Variants in ERCC3 observed in about 807,000 individuals in gnomAD.
ERCC3 encodes the protein general transcription and DNA repair factor IIH helicase/translocase subunit XPB.
In ERCC3, 66 loss-of-function variants were observed where a neutral mutation model predicts 94.2. The ratio of observed to expected loss-of-function variants is 0.70; its 90% CI spans 0.57 to 0.86. ERCC3 has a LOEUF of 0.86. Among genes scored for constraint, ERCC3 ranks in the 40% least tolerant of loss-of-function variants. ERCC3 has a pLI of 0.00. For synonymous variants in ERCC3, 349 were observed against 369.1 expected (o/e 0.95, Z 0.63); for missense variants, 829 against 987.1 (o/e 0.84, Z 2.15).
chr2:127,266,878 A>G (rs1005626000), intron 12 of ERCC3, among the ~76,000 whole-genome samples: 5 of 151,466 alleles, frequency 3.3e-5, no homozygotes, highest in Non-Finnish European at 7.4e-5. Flanking sequence ...CGCCACACTC[A>G]GCTAATTTTT....
chr2:127,260,763 C>T (rs555345972), intron 13 of ERCC3: 4 of 202,594 alleles, frequency 2.0e-5, no homozygotes, highest in Non-Finnish European at 3.0e-5. Flanking sequence ...CTGACATAAA[C>T]GTAATATTTG....
rs921825017 is a variant in ERCC3 at position 127,264,751 on chromosome 2, G to A, written c.1946-3405C>T. 5.3e-5 allele frequency among the ~76,000 whole-genome samples: 8 copies of A among 152,008 alleles called. No homozygotes were observed. The highest frequency in any genetic ancestry group is 1.4e-4 in the African/African-American group (6 of 41,384). On this transcript the variant is annotated intron_variant, in intron 12 of 14. Coordinates refer to ENST00000285398, the MANE Select transcript of ERCC3 (RefSeq NM_000122.2). The surrounding 1 kb of genome is among the most constrained non-coding windows in gnomAD (Gnocchi z 4.4). ...TTGGTATCAGGATGATAGTGGTTTC[G>A]TAGTATGAGTTAGGAAGAAGTCTCT...
intron 13 of ERCC3, 197 bp downstream of exon 13, chr2:127,261,031 G>T (rs747826560): frequency 2.6e-5 from 16 of 608,934 alleles, no homozygotes; most frequent in Non-Finnish European, 3.9e-5. Flanking sequence ...TGGCACCTCA[G>T]TCCTGCCAGG....
Position 127,271,263 on chromosome 2 carries a change from C to T in ERCC3, c.1945+73G>A, listed in dbSNP as rs867207028. The T allele has an allele frequency of 1.9e-4, 191 of 1,028,598 alleles. 1 individual carries two copies. In the Middle Eastern group the frequency reaches 3.8e-3, roughly 20 times the overall value. 63.7% of individuals were successfully genotyped at this position (1,028,598 alleles called of 1,614,324 possible). ...CCCCAGGGCACATGGCAGCTCTCAC[C>T]CCTATCGTCTTCCTAACTAAAGTGG... is the stretch of plus-strand genomic sequence containing the variant. On this transcript the variant is annotated intron_variant, in intron 12 of 14. Transcript: ENST00000285398. The surrounding 1 kb of genome is among the most constrained non-coding windows in gnomAD (Gnocchi z 5.0).
At chr2:127,288,899 T>C (rs571016280) in intron 6 of ERCC3, 35 bp from the exon 7 acceptor site, 1 of 1,515,738 alleles carries the variant, frequency 6.6e-7, no homozygotes, top group Admixed American at 1.7e-5. Flanking sequence ...TTTAAAATCT[T>C]GTTACTGTGC....
At chr2:127,268,536 T>C (rs1261586870) in intron 12 of ERCC3, among the ~76,000 whole-genome samples, 2 of 152,186 alleles carry the variant, frequency 1.3e-5, no homozygotes, top group Non-Finnish European at 2.9e-5. Context: ...GTGCTGGGAT[T>C]ACAGGTGTGA....
intron 7 of ERCC3, 105 bp from the exon 8 acceptor site, chr2:127,287,122 A>C (rs1685099847): frequency 1.2e-6 from 1 of 858,222 alleles, no homozygotes; most frequent in Non-Finnish European, 1.9e-6. Flanking sequence ...ATGTCTTGTA[A>C]CAGTCCACAT....
rs1417544002 is a variant in ERCC3 at position 127,264,567 on chromosome 2, C to A, written c.1946-3221G>T. Among the ~76,000 whole-genome samples the A allele has an allele frequency of 1.3e-5, 2 of 152,178 alleles. No individual in the cohort carries two copies. The highest frequency in any genetic ancestry group is 2.9e-5 in the Non-Finnish European group (2 of 68,028). On this transcript the variant is annotated intron_variant, in intron 12 of 14. Transcript: ENST00000285398. The surrounding 1 kb of genome is among the most constrained non-coding windows in gnomAD (Gnocchi z 4.4). ...TATTTATTGATTTCCACATGTTGAA[C>A]CAACTTTGCATCCCAGAAGTAAAGC... is the stretch of plus-strand genomic sequence containing the variant.
At chr2:127,288,279 G>A (rs1008603942) in intron 7 of ERCC3, among the ~76,000 whole-genome samples, 1 of 152,132 alleles carries the variant, frequency 6.6e-6, no homozygotes, top group African/African-American at 2.4e-5. Flanking sequence ...GCTGATTCAA[G>A]AACAAGAACC....
chr2:127,265,169 T>C (rs1050011715), intron 12 of ERCC3, among the ~76,000 whole-genome samples: 1 of 152,158 alleles, frequency 6.6e-6, no homozygotes, highest in African/African-American at 2.4e-5. Context: ...TTTAAATTAC[T>C]GATTCAATTT....
At chr2:127,265,669 G>A (rs566609302) in intron 12 of ERCC3, among the ~76,000 whole-genome samples, 3 of 152,116 alleles carry the variant, frequency 2.0e-5, no homozygotes, top group Non-Finnish European at 2.9e-5. Flanking sequence ...CGCCCACCTC[G>A]GCCTCCCAAA....
chr2:127,287,090 A>C, intron 7 of ERCC3, 73 bp from the exon 8 acceptor site: 19 of 1,175,050 alleles, frequency 1.6e-5, no homozygotes, highest in Non-Finnish European at 2.3e-5. Context: ...AGAATGACTC[A>C]CAAGTACAGC....
intron 12 of ERCC3, 105 bp from the exon 13 acceptor site, chr2:127,261,451 C>T: frequency 1.2e-6 from 1 of 811,928 alleles, no homozygotes; most frequent in Non-Finnish European, 2.2e-6. Flanking sequence ...AGTGGAAAAG[C>T]CCTGCACTCG....
At chr2:127,273,526 G>A (rs1284893492) in intron 10 of ERCC3, among the ~76,000 whole-genome samples, 1 of 151,754 alleles carries the variant, frequency 6.6e-6, no homozygotes, top group African/African-American at 2.4e-5. Flanking sequence ...GAGGCGGGTG[G>A]ATCACCTGAG....
chr2:127,268,383 G>A lies in ERCC3; in HGVS notation c.1945+2953C>T, dbSNP rs766841073. ...AAGCGATTCTCTTGCCTCAGCCTCC[G>A]GAGTGGCTGGGACTACAGGCGCACA... On this transcript the variant is annotated intron_variant, in intron 12 of 14. Coordinates refer to ENST00000285398, the MANE Select transcript of ERCC3 (RefSeq NM_000122.2). 7.9e-5 allele frequency among the ~76,000 whole-genome samples: 12 copies of A among 151,922 alleles called. No individual in the cohort carries two copies. In the South Asian group the frequency reaches 1.2e-3, roughly 16 times the overall value.
At chr2:127,287,506 C>T (rs569221769) in intron 7 of ERCC3, among the ~76,000 whole-genome samples, 26 of 152,116 alleles carry the variant, frequency 1.7e-4, no homozygotes, top group African/African-American at 5.3e-4. Flanking sequence ...TGGTGGCGGG[C>T]GCCTATAATC....
chr2:127,286,707 T>TA lies in ERCC3; in HGVS notation c.1337dup (p.Pro447ThrfsTer17). On this transcript the variant is annotated frameshift_variant, in exon 8 of 15. Coordinates refer to ENST00000285398, the MANE Select transcript of ERCC3 (RefSeq NM_000122.2). LOFTEE classifies it high-confidence loss of function. ...GCTCAGCTCCAGCCTGCTTACCTGG[T>TA]ATGGTGTGCACTTCATCCAGGATCA... 6.2e-7 allele frequency: 1 copy of TA among 1,613,808 alleles called. No individual in the cohort carries two copies.
chr2:127,280,813 C>A lies in ERCC3; in HGVS notation c.1343-182G>T. The A allele has an allele frequency of 1.6e-6, 1 of 628,974 alleles. No individual in the cohort carries two copies. Among genetic ancestry groups the A allele is most frequent in the South Asian group, 2.1e-5 (1 of 48,312 alleles). 39.0% of individuals were successfully genotyped at this position (628,974 alleles called of 1,614,324 possible). ...AAGTGCTGGGATTACAGACGTGACC[C>A]ACTGCACCCAGCCTACACTGTCACT... is the stretch of plus-strand genomic sequence containing the variant. On this transcript the variant is annotated intron_variant, in intron 8 of 14. Coordinates refer to ENST00000285398, the MANE Select transcript of ERCC3 (RefSeq NM_000122.2). The surrounding 1 kb of genome is among the most constrained non-coding windows in gnomAD (Gnocchi z 6.3).
At chr2:127,272,321 G>A (rs1416711560) in intron 11 of ERCC3, among the ~76,000 whole-genome samples, 2 of 152,074 alleles carry the variant, frequency 1.3e-5, no homozygotes, top group African/African-American at 4.8e-5. Context: ...CACCGCGCCC[G>A]GTTGTAAAAT....
Sources: gnomAD v4.1 joint callset for allele counts (sites outside exome capture counted in the v4.1 genomes callset) on GRCh38, gnomAD v4.1.1 for gene constraint, Gnocchi (gnomAD v3.1) non-coding constraint, MANE v1.5 for transcripts, NCBI Gene and HGNC (gene_info 2026-07-23, HGNC 2026-07-21) for gene names.